CCDC3: variants seen among roughly 807,000 people sequenced by gnomAD.
CCDC3 encodes the protein coiled-coil domain-containing protein 3.
CCDC3 carries 24 observed loss-of-function variants against 21.4 expected under a neutral mutation model. The ratio of observed to expected loss-of-function variants is 1.12; its 90% confidence interval spans 0.81 to 1.58. The LOEUF (loss-of-function observed/expected upper bound fraction) is 1.58. Among genes scored for constraint, CCDC3 ranks in the 40% most tolerant of loss-of-function variants. CCDC3 has a pLI of 0.00. For missense variants in CCDC3, 425 were observed against 360.9 expected (o/e 1.18, Z -1.44); for synonymous variants, 186 against 166.0 (o/e 1.12, Z -0.93).
intron 4 of CCDC3, chr10:13,057,812 C>A (rs547423421): frequency 1.2e-4 from 34 of 280,908 alleles, no homozygotes; most frequent in African/African-American, 7.4e-4. Context: ...CCCAGGGAGG[C>A]GGAGGTTGCA....
chr10:12,969,816 A>C (rs1448011842), intron 2 of CCDC3, among the ~76,000 whole-genome samples: 2 of 151,614 alleles, frequency 1.3e-5, no homozygotes, highest in Non-Finnish European at 2.9e-5. Context: ...ACATGGATGA[A>C]CCTGGAGGAA....
At chr10:12,964,935 A>G (rs967163673) in intron 2 of CCDC3, among the ~76,000 whole-genome samples, 1 of 152,234 alleles carries the variant, frequency 6.6e-6, no homozygotes, top group South Asian at 2.1e-4. Context: ...AAAACAGTAC[A>G]TGCAGACAGT....
chr10:12,944,684 C>T (rs1834888621), intron 2 of CCDC3, among the ~76,000 whole-genome samples: 1 of 152,208 alleles, frequency 6.6e-6, no homozygotes, highest in Non-Finnish European at 1.5e-5. Context: ...GTCTCAGACA[C>T]TTTCCAGTTT....
At chr10:12,958,574 C>A (rs374720352) in intron 2 of CCDC3, among the ~76,000 whole-genome samples, 3 of 152,178 alleles carry the variant, frequency 2.0e-5, no homozygotes, top group African/African-American at 4.8e-5. Context: ...GAAGAGCAGG[C>A]CTGGTCTTGA....
chr10:12,955,483 A>G (rs2668901), intron 2 of CCDC3, among the ~76,000 whole-genome samples: 151,864 of 152,340 alleles, frequency 1, 75,698 homozygotes, highest in Middle Eastern at 1. Context: ...GGATAGAGGA[A>G]AGGGAGGCAA....
chr10:12,908,615 T>TC (rs201124302), intron 2 of CCDC3, among the ~76,000 whole-genome samples: 14 of 150,438 alleles, frequency 9.3e-5, no homozygotes, highest in African/African-American at 2.9e-4. Flanking sequence ...GATTTTTCTT[T>TC]TTTTTTTTTT....
chr10:12,933,461 T>TA (rs1335732217), intron 2 of CCDC3, among the ~76,000 whole-genome samples: 57 of 150,958 alleles, frequency 3.8e-4, no homozygotes, highest in East Asian at 2.3e-3. Context: ...TCCCTTTATT[T>TA]TTTTTTTTTT....
At chr10:13,058,661 CTTTAA>C in intron 4 of CCDC3, 1 of 527,338 alleles carries the variant, frequency 1.9e-6, no homozygotes, top group Non-Finnish European at 3.4e-6. Flanking sequence ...TTTTTAACAA[CTTTAA>C]CAAACCCCAC....
At chr10:12,927,692 C>T (rs1327154063) in intron 2 of CCDC3, among the ~76,000 whole-genome samples, 3 of 152,154 alleles carry the variant, frequency 2.0e-5, no homozygotes, top group African/African-American at 4.8e-5. Flanking sequence ...CTCTAATACA[C>T]ACTTTGTCCC....
chr10:13,083,551 A>T (rs939434728), intron 3 of CCDC3, among the ~76,000 whole-genome samples: 3 of 152,262 alleles, frequency 2.0e-5, no homozygotes, highest in Non-Finnish European at 4.4e-5. Context: ...ATGTGCTCAC[A>T]GGCACATAGT....
At chr10:13,095,832 C>T (rs992436119) in intron 3 of CCDC3, among the ~76,000 whole-genome samples, 4 of 152,230 alleles carry the variant, frequency 2.6e-5, no homozygotes, top group African/African-American at 9.7e-5. Flanking sequence ...TTCAATTACA[C>T]TTAAAAAGTT....
At position 12,987,922 on chromosome 10, in the gene CCDC3, T is replaced by A. The variant is rs75098142; in HGVS notation, c.549+10416A>T. On this transcript the variant is annotated intron_variant, in intron 2 of 2. Transcript: ENST00000378825. ...ACTAGTCCAAGCCTCCAGTCTTGCCTAGACAGTTCCAGTGGTTTCCCAACT... is the reference window on the plus strand; with the variant it reads ...ACTAGTCCAAGCCTCCAGTCTTGCCAAGACAGTTCCAGTGGTTTCCCAACT... Among the ~76,000 whole-genome samples the A allele has an allele frequency of 7.9e-5, 12 of 152,324 alleles. No individual in the cohort carries two copies. The East Asian group carries it at 2.3e-3, about 29-fold the overall frequency.
chr10:13,004,028 G>A (rs369845313), upstream of CCDC3, among the ~76,000 whole-genome samples: 1 of 152,168 alleles, frequency 6.6e-6, no homozygotes, highest in East Asian at 1.9e-4. Context: ...TGGGGACTAA[G>A]ACTTCCAAAC....
chr10:12,941,098 G>C (rs945299775), intron 2 of CCDC3, among the ~76,000 whole-genome samples: 3 of 152,176 alleles, frequency 2.0e-5, no homozygotes, highest in African/African-American at 7.2e-5. Context: ...GTCAGCCCAA[G>C]ATAAAGGTCA....
In CCDC3 at chr10:12,985,353, GA is replaced by G. The variant is rs1391998696; in HGVS notation, c.549+12984del. 2.6e-5 allele frequency among the ~76,000 whole-genome samples: 4 copies of G among 152,204 alleles called. No homozygotes were observed. In the East Asian group the frequency reaches 7.7e-4, roughly 29 times the overall value. On this transcript the variant is annotated intron_variant, in intron 2 of 2. Coordinates refer to ENST00000378825, the MANE Select transcript of CCDC3 (RefSeq NM_031455.4). ...AAATATAAATGGTACAGGACCTTTGGAAAATTAATTTCAGGGTTTCTTTTAA... is the reference window on the plus strand; with the variant it reads ...AAATATAAATGGTACAGGACCTTTGGAAATTAATTTCAGGGTTTCTTTTAA...
chr10:12,918,835 C>T (rs914683119), intron 2 of CCDC3, among the ~76,000 whole-genome samples: 3 of 152,056 alleles, frequency 2.0e-5, no homozygotes, highest in East Asian at 1.9e-4. Flanking sequence ...AGGTGGATCA[C>T]GAGGTCAGGA....
intron 2 of CCDC3, among the ~76,000 whole-genome samples, chr10:12,966,666 G>A (rs1835267271): frequency 6.6e-6 from 1 of 152,122 alleles, no homozygotes; most frequent in Admixed American, 6.5e-5. Context: ...CTAACCCTGA[G>A]GTTGGGAATC....
chr10:12,914,382 C>A (rs1422669300), intron 2 of CCDC3, among the ~76,000 whole-genome samples: 1 of 152,008 alleles, frequency 6.6e-6, no homozygotes, highest in African/African-American at 2.4e-5. Context: ...CTGTGGTAGT[C>A]TTTTTTAGTC....
At chr10:12,928,941 G>C (rs1235344249) in intron 2 of CCDC3, among the ~76,000 whole-genome samples, 1 of 152,100 alleles carries the variant, frequency 6.6e-6, no homozygotes. Flanking sequence ...TGGAGGTAAG[G>C]GTCTGGGCAA....
Sources: gnomAD v4.1 joint callset for allele counts (sites outside exome capture counted in the v4.1 genomes callset) on GRCh38, gnomAD v4.1.1 for gene constraint, MANE v1.5 for transcripts, NCBI Gene and HGNC (gene_info 2026-07-23, HGNC 2026-07-21) for gene names.